The following CTNND2 variants were observed in gnomAD, a reference collection of about 807,000 sequenced individuals.
CTNND2 encodes catenin delta-2.
A neutral mutation model predicts 144.4 loss-of-function variants in CTNND2; 22 were observed. The observed-to-expected ratio is 0.15, with a 90% CI of 0.11 to 0.22. The LOEUF is 0.22. Ranked by LOEUF, CTNND2 falls within the 10% of genes least tolerant of loss-of-function variation. The probability of loss-of-function intolerance (pLI) is 1.00; values close to 1 mark genes in which losing one functional copy is unlikely to be tolerated. For missense variants in CTNND2, 1,353 were observed against 1,618.8 expected (o/e 0.84, Z 2.82); for synonymous variants, 751 against 695.6 (o/e 1.08, Z -1.25).
intron 8 of CTNND2, among the ~76,000 whole-genome samples, chr5:11,359,189 T>A (rs1756195930): frequency 6.6e-6 from 1 of 152,236 alleles, no homozygotes; most frequent in South Asian, 2.1e-4. Context: ...ACTCCTTATT[T>A]TATAAGCTCT....
chr5:11,090,211 T>C (rs931667492), intron 15 of CTNND2, among the ~76,000 whole-genome samples: 15 of 152,214 alleles, frequency 9.9e-5, no homozygotes, highest in African/African-American at 3.6e-4. Flanking sequence ...CATAGCGCTG[T>C]GATCATGCTG....
chr5:11,186,897 C>CGTAA (rs1166335334), intron 11 of CTNND2, among the ~76,000 whole-genome samples: 23 of 152,208 alleles, frequency 1.5e-4, no homozygotes, highest in African/African-American at 5.5e-4. Flanking sequence ...ATGCCCCTTA[C>CGTAA]ATCCAACCTC....
intron 6 of CTNND2, among the ~76,000 whole-genome samples, chr5:11,386,881 T>C (rs536191146): frequency 4.1e-4 from 62 of 152,194 alleles, no homozygotes; most frequent in Non-Finnish European, 6.9e-4. Flanking sequence ...ACTACAGATG[T>C]GGGTGTGCTT....
At chr5:11,705,140 C>T (rs1322870279) in intron 2 of CTNND2, among the ~76,000 whole-genome samples, 1 of 152,134 alleles carries the variant, frequency 6.6e-6, no homozygotes, top group Non-Finnish European at 1.5e-5. Context: ...CATAAATCAT[C>T]TCCAAATAGC....
chr5:11,596,372 G>T (rs1474543753), intron 2 of CTNND2, among the ~76,000 whole-genome samples: 1 of 152,144 alleles, frequency 6.6e-6, no homozygotes, highest in Non-Finnish European at 1.5e-5. Context: ...AGTGGGCCCT[G>T]TTTCTTTGGC....
intron 2 of CTNND2, among the ~76,000 whole-genome samples, chr5:11,605,376 A>G (rs1779995227): frequency 1.3e-5 from 2 of 152,382 alleles, no homozygotes; most frequent in African/African-American, 2.4e-5. Context: ...CAAATTTATC[A>G]TACACACTAA....
intron 14 of CTNND2, among the ~76,000 whole-genome samples, chr5:11,109,571 A>G (rs960576930): frequency 6.6e-6 from 1 of 152,284 alleles, no homozygotes; most frequent in Non-Finnish European, 1.5e-5. Context: ...TCCTGTTATA[A>G]TATTTGGCTC....
intron 16 of CTNND2, among the ~76,000 whole-genome samples, chr5:11,043,142 C>A (rs1474737650): frequency 6.6e-6 from 1 of 151,082 alleles, no homozygotes; most frequent in Non-Finnish European, 1.5e-5. Flanking sequence ...TTATAGTACA[C>A]AGAATTTCTA....
chr5:11,429,516 C>A (rs1763088119), intron 3 of CTNND2, among the ~76,000 whole-genome samples: 1 of 152,152 alleles, frequency 6.6e-6, no homozygotes, highest in Admixed American at 6.5e-5. Flanking sequence ...GCTGCCAGGA[C>A]ATTCTTCATT....
At chr5:11,646,599 C>T (rs1160201780) in intron 2 of CTNND2, among the ~76,000 whole-genome samples, 3 of 151,600 alleles carry the variant, frequency 2.0e-5, no homozygotes, top group Non-Finnish European at 4.4e-5. Flanking sequence ...ACCAATGATG[C>T]ATGGAAAAGT....
At chr5:11,528,183 T>G (rs1294784814) in intron 3 of CTNND2, among the ~76,000 whole-genome samples, 2 of 152,160 alleles carry the variant, frequency 1.3e-5, no homozygotes, top group African/African-American at 4.8e-5. Context: ...ACTGCAGTTG[T>G]ACTTGGTGTC....
intron 3 of CTNND2, among the ~76,000 whole-genome samples, chr5:11,536,544 C>T (rs546961832): frequency 1.3e-5 from 2 of 152,248 alleles, no homozygotes; most frequent in Non-Finnish European, 2.9e-5. Context: ...ACTACTCAGC[C>T]ATAAAAAGGA....
chr5:11,153,269 T>C (rs1410796147), intron 12 of CTNND2, among the ~76,000 whole-genome samples: 1 of 150,650 alleles, frequency 6.6e-6, no homozygotes, highest in Non-Finnish European at 1.5e-5. Flanking sequence ...CTCAAAAGAA[T>C]AAAAAAAAAG....
chr5:11,725,881 C>T (rs547889602), intron 2 of CTNND2, among the ~76,000 whole-genome samples: 1 of 152,296 alleles, frequency 6.6e-6, no homozygotes, highest in African/African-American at 2.4e-5. Context: ...ACTATTCCTA[C>T]TATATCTGGT....
chr5:11,078,091 T>A (rs1749135266), intron 16 of CTNND2, among the ~76,000 whole-genome samples: 2 of 151,922 alleles, frequency 1.3e-5, no homozygotes, highest in South Asian at 4.2e-4. Flanking sequence ...CTGTTTGGAG[T>A]CACCAGAATA....
intron 12 of CTNND2, among the ~76,000 whole-genome samples, chr5:11,123,670 T>A (rs1218265605): frequency 6.6e-6 from 1 of 152,220 alleles, no homozygotes; most frequent in Admixed American, 6.5e-5. Context: ...TTGATTAAAA[T>A]ACAAAGGCGC....
rs565312766 is a variant in CTNND2 at position 11,239,294 on chromosome 5, C to T, written c.1629-2471G>A. 1.1e-4 allele frequency among the ~76,000 whole-genome samples: 17 copies of T among 152,380 alleles called. No individual in the cohort carries two copies. The South Asian group carries it at 3.5e-3, about 32-fold the overall frequency. ...GCACCTGTGCACATGTGCTTGCACA[C>T]ACCCTCAAACTCAGACAGGAAGGAT... is the stretch of plus-strand genomic sequence containing the variant. On this transcript the variant is annotated intron_variant, in intron 9 of 21. Coordinates refer to ENST00000304623, the MANE Select transcript of CTNND2 (RefSeq NM_001332.4).
At chr5:11,594,984 C>A (rs1204399266) in intron 2 of CTNND2, among the ~76,000 whole-genome samples, 2 of 152,128 alleles carry the variant, frequency 1.3e-5, no homozygotes, top group Admixed American at 6.5e-5. Flanking sequence ...TATTTATTAT[C>A]CTTCCAGACG....
intron 14 of CTNND2, among the ~76,000 whole-genome samples, chr5:11,104,021 T>C (rs1752171313): frequency 6.6e-6 from 1 of 152,208 alleles, no homozygotes; most frequent in South Asian, 2.1e-4. Flanking sequence ...ACAGGCTTCA[T>C]ACAGTCTCCG....
Sources: gnomAD v4.1 joint callset for allele counts (sites outside exome capture counted in the v4.1 genomes callset) on GRCh38, gnomAD v4.1.1 for gene constraint, MANE v1.5 for transcripts, NCBI Gene and HGNC (gene_info 2026-07-23, HGNC 2026-07-21) for gene names.